SIRT2: variants seen among roughly 807,000 people sequenced by gnomAD.
SIRT2 encodes NAD-dependent protein deacetylase sirtuin-2.
SIRT2 carries 40 observed loss-of-function variants against 57.4 expected under a neutral mutation model. The ratio of observed to expected loss-of-function variants is 0.70; its 90% CI spans 0.54 to 0.91. The LOEUF is 0.91. SIRT2 is among the 40% of genes least tolerant of loss of function. The pLI, the probability that SIRT2 is intolerant of heterozygous loss-of-function variation, is 0.00. For missense variants in SIRT2, 439 were observed against 510.4 expected (o/e 0.86, Z 1.35); for synonymous variants, 161 against 195.7 (o/e 0.82, Z 1.48).
intron 8 of SIRT2, among the ~76,000 whole-genome samples, chr19:38,886,960 C>T (rs761115710): frequency 4.6e-5 from 7 of 150,676 alleles, no homozygotes; most frequent in South Asian, 4.2e-4. Flanking sequence ...TTTTTTGAGA[C>T]GGAGTCTCTC....
rs200896769 is a variant in SIRT2, at chr19:38,879,316, G to A, written c.1015-6C>T. 2.7e-5 allele frequency: 43 copies of A among 1,613,378 alleles called. No homozygotes were observed. The highest frequency in any genetic ancestry group is 3.6e-5 in the Non-Finnish European group (42 of 1,179,912). ...ACAAGGTCCTCCAGCTCCTTCTGCA[G>A]GAGCAAAGGTCACAGAAGTCAAAGG... On this transcript the variant is annotated splice_polypyrimidine_tract_variant and splice_region_variant and intron_variant, in intron 15 of 15. Coordinates refer to ENST00000249396, the MANE Select transcript of SIRT2 (RefSeq NM_012237.4).
At chr19:38,881,386 A>T (rs751008634) in intron 10 of SIRT2, 46 bp downstream of exon 10, 1 of 1,571,800 alleles carries the variant, frequency 6.4e-7, no homozygotes, top group Non-Finnish European at 8.7e-7. Flanking sequence ...GGAGGAGGGG[A>T]CCCCCACCCA....
rs769170347 is a variant in SIRT2, at chr19:38,889,141, G to A, written c.447C>T (p.His149=). Residue 149 remains histidine, a synonymous_variant, in exon 8 of 16, where the codon CAC becomes CAT. Coordinates refer to ENST00000249396, the MANE Select transcript of SIRT2 (RefSeq NM_012237.4). ...TGTCCTTCAGCAGGCGCATGAAGTA[G>A]TGACAGATGGTTGGCTGCAGGGAAG... ...YPGQFKPTIC[H]YFMRLLKDKG... 6.2e-7 allele frequency: 1 copy of A among 1,613,118 alleles called. No homozygotes were observed. Among genetic ancestry groups the A allele is most frequent in the East Asian group, 2.2e-5 (1 of 44,882 alleles).
intron 2 of SIRT2, among the ~76,000 whole-genome samples, chr19:38,895,930 G>A (rs1973701957): frequency 6.6e-6 from 1 of 152,192 alleles, no homozygotes; most frequent in Non-Finnish European, 1.5e-5. Context: ...AAATTAGCCA[G>A]GCATGGTGGC....
intron 8 of SIRT2, among the ~76,000 whole-genome samples, chr19:38,888,496 G>A (rs1973413652): frequency 6.6e-6 from 1 of 152,154 alleles, no homozygotes; most frequent in South Asian, 2.1e-4. Flanking sequence ...TACTGTTAGG[G>A]GTGTGAGACT....
intron 2 of SIRT2, chr19:38,894,977 T>G: frequency 2.2e-6 from 1 of 454,894 alleles, no homozygotes; most frequent in Admixed American, 2.4e-5. Context: ...AAATGGACCC[T>G]GGCATCTCCT....
intron 8 of SIRT2, among the ~76,000 whole-genome samples, chr19:38,884,435 G>A (rs1973260828): frequency 1.3e-5 from 2 of 151,636 alleles, no homozygotes; most frequent in Admixed American, 1.3e-4. Flanking sequence ...TACTAGGTGT[G>A]GTTTGTTTGT....
intron 2 of SIRT2, among the ~76,000 whole-genome samples, chr19:38,896,061 A>T (rs1332099491): frequency 6.6e-6 from 1 of 151,912 alleles, no homozygotes; most frequent in Non-Finnish European, 1.5e-5. Context: ...ACAGAGCGAG[A>T]CTCCGTCTCA....
chr19:38,896,058 G>A (rs1379696720), intron 2 of SIRT2, among the ~76,000 whole-genome samples: 1 of 151,980 alleles, frequency 6.6e-6, no homozygotes, highest in African/African-American at 2.4e-5. Context: ...GTGACAGAGC[G>A]AGACTCCGTC....
chr19:38,890,567 G>A lies in SIRT2; in HGVS notation c.227-423C>T, dbSNP rs137916467. ...TAGCCAGGCGTGGTGGCACGTGCCT[G>A]TAATCTCAGCTACTTGGGAGGCTGA... On this transcript the variant is annotated intron_variant, in intron 4 of 15. Coordinates refer to ENST00000249396, the MANE Select transcript of SIRT2 (RefSeq NM_012237.4). 9.1e-4 allele frequency: 181 copies of A among 199,390 alleles called. 4 individuals carry two copies. The East Asian group carries it at 0.015, about 16-fold the overall frequency. The allele number at this position is 199,390 out of a possible 1,614,324, so 12.4% of individuals were successfully genotyped here.
chr19:38,881,492 C>T lies in SIRT2; in HGVS notation c.632-1G>A, dbSNP rs1600106821. 3 of 1,613,476 alleles carry T rather than the reference C, an allele frequency of 1.9e-6. No homozygotes were observed. On this transcript the variant is annotated splice_acceptor_variant, in intron 9 of 15. Transcript: ENST00000249396. LOFTEE classifies it high-confidence loss of function. ...GGCGTCACCTCAGAGAAGATCTTCT[C>T]TGGGTATGGGGAAGGGGAAGAAAGA...
At chr19:38,888,182 ATTTGT>A (rs1377685416) in intron 8 of SIRT2, among the ~76,000 whole-genome samples, 2 of 152,072 alleles carry the variant, frequency 1.3e-5, no homozygotes, top group African/African-American at 4.8e-5. Context: ...TGTTGTTTTG[ATTTGT>A]TTTTTGTTTC....
chr19:38,889,418 C>G, intron 7 of SIRT2: 1 of 684,674 alleles, frequency 1.5e-6, no homozygotes, highest in Non-Finnish European at 2.7e-6. Context: ...CTGCAGGGTC[C>G]CGGGCTCTCA....
intron 4 of SIRT2, chr19:38,891,973 G>C (rs2144694177): frequency 2.1e-6 from 1 of 467,848 alleles, no homozygotes; most frequent in East Asian, 7.0e-5. Context: ...GCAGCTGGAG[G>C]ACAGGGACAC....
At chr19:38,889,390 C>T (rs11667030) in intron 7 of SIRT2, 265,904 of 704,494 alleles carry the variant, frequency 0.38, 54,470 homozygotes, top group Admixed American at 0.57. Context: ...AGCTGAGATT[C>T]ACACCCAGGC....
chr19:38,883,830 T>C (rs932999704), intron 8 of SIRT2, 74 bp from the exon 9 acceptor site: 3 of 1,537,536 alleles, frequency 2.0e-6, no homozygotes, highest in Admixed American at 3.5e-5. Flanking sequence ...CAGTAGGGAG[T>C]TGAGGGCCAC....
At chr19:38,882,346 C>A (rs1272857476) in intron 9 of SIRT2, among the ~76,000 whole-genome samples, 1 of 151,814 alleles carries the variant, frequency 6.6e-6, no homozygotes, top group African/African-American at 2.4e-5. Flanking sequence ...AGCTTGAAAG[C>A]ATTTCTGGCC....
At chr19:38,898,693 C>T (rs1973815411) in intron 1 of SIRT2, 1 of 348,966 alleles carries the variant, frequency 2.9e-6, no homozygotes, top group East Asian at 4.3e-5. Flanking sequence ...GGCTTTTGCC[C>T]AGGCTGGTCT....
At chr19:38,889,342 G>A in intron 7 of SIRT2, 187 bp from the exon 8 acceptor site, 1 of 723,930 alleles carries the variant, frequency 1.4e-6, no homozygotes, top group South Asian at 1.5e-5. Flanking sequence ...CAGGGAAGGG[G>A]ATTGTGTTGC....
Sources: allele counts gnomAD v4.1 joint callset (sites outside exome capture counted in the v4.1 genomes callset), GRCh38; gene constraint gnomAD v4.1.1; transcripts MANE v1.5; gene names NCBI Gene and HGNC (gene_info 2026-07-23, HGNC 2026-07-21).